SYNPR: variants seen among roughly 807,000 people sequenced by gnomAD.
SYNPR encodes synaptoporin.
A neutral mutation model predicts 32.9 loss-of-function variants in SYNPR; 23 were observed. The ratio of observed to expected loss-of-function variants is 0.70; its 90% CI spans 0.50 to 0.99. The LOEUF (loss-of-function observed/expected upper bound fraction) is 0.99. Ranked by LOEUF, SYNPR falls within the 50% of genes least tolerant of loss-of-function variation. The pLI, the probability that SYNPR is intolerant of heterozygous loss-of-function variation, is 0.00. For missense variants in SYNPR, 318 were observed against 349.3 expected (o/e 0.91, Z 0.71); for synonymous variants, 146 against 135.9 (o/e 1.07, Z -0.52).
At chr3:63,204,277 T>G in the SYNPR span, among the ~76,000 whole-genome samples, 1 of 152,190 alleles carries the variant, frequency 6.6e-6, no homozygotes, top group Admixed American at 6.5e-5. Context: ...CTCCGAAGAC[T>G]CTAGGGTTGG....
intron 2 of SYNPR, among the ~76,000 whole-genome samples, chr3:63,260,897 T>C (rs552021496): frequency 1.4e-5 from 2 of 148,046 alleles, no homozygotes; most frequent in Admixed American, 6.7e-5. Flanking sequence ...CCATCAAAAG[T>C]AGGTGAAAGA....
chr3:63,325,455 G>A (rs190768051), intron 2 of SYNPR, among the ~76,000 whole-genome samples: 4 of 152,232 alleles, frequency 2.6e-5, no homozygotes, highest in Admixed American at 1.3e-4. Context: ...GGTACAAAAT[G>A]TAATCATATT....
intron 2 of SYNPR, among the ~76,000 whole-genome samples, chr3:63,433,099 G>A (rs145998602): frequency 1.3e-5 from 2 of 152,270 alleles, no homozygotes; most frequent in East Asian, 1.9e-4. Flanking sequence ...ACAGAGTATT[G>A]CGTGTTATAA....
At chr3:63,313,752 T>C (rs1375649214) in intron 2 of SYNPR, among the ~76,000 whole-genome samples, 1 of 36,350 alleles carries the variant, frequency 2.8e-5, no homozygotes, top group East Asian at 5.7e-4. Flanking sequence ...TATCCATATA[T>C]ATATCCATAT....
chr3:63,261,401 T>C (rs1050469463), intron 2 of SYNPR, among the ~76,000 whole-genome samples: 1 of 151,472 alleles, frequency 6.6e-6, no homozygotes, highest in Non-Finnish European at 1.5e-5. Flanking sequence ...AAATGATGAG[T>C]TCATGTCCTT....
At chr3:63,492,542 G>C (rs1291839199) in intron 3 of SYNPR, among the ~76,000 whole-genome samples, 1 of 152,174 alleles carries the variant, frequency 6.6e-6, no homozygotes, top group Non-Finnish European at 1.5e-5. Flanking sequence ...ATTTAGGTAA[G>C]ATCTGAACAG....
intron 2 of SYNPR, among the ~76,000 whole-genome samples, chr3:63,416,913 A>G (rs985341373): frequency 3.9e-5 from 6 of 152,192 alleles, no homozygotes; most frequent in African/African-American, 1.4e-4. Context: ...GATGAGATTT[A>G]GGTGGGGACA....
At chr3:63,383,511 G>A (rs1468178290) in intron 2 of SYNPR, among the ~76,000 whole-genome samples, 2 of 152,148 alleles carry the variant, frequency 1.3e-5, no homozygotes, top group Non-Finnish European at 2.9e-5. Flanking sequence ...GAGCTCAGGA[G>A]TTCAAGACCA....
In SYNPR at chr3:63,452,032, A is replaced by G. The variant is rs1369273909; in HGVS notation, c.85-28800A>G. On this transcript the variant is annotated intron_variant, in intron 2 of 5. Coordinates refer to ENST00000478300, the MANE Select transcript of SYNPR (RefSeq NM_001130003.2). Reference sequence around the variant, plus strand: ...TCCTCCCCCAGACCAGTTCCCTGATATAATTTTTTTCTCTTTCTCCCACTG... The same window carrying G: ...TCCTCCCCCAGACCAGTTCCCTGATGTAATTTTTTTCTCTTTCTCCCACTG... 1.9e-5 allele frequency: 13 copies of G among 700,156 alleles called. No homozygotes were observed. In the East Asian group the frequency reaches 3.5e-4, roughly 19 times the overall value. 43.4% of individuals were successfully genotyped at this position (700,156 alleles called of 1,614,324 possible).
At chr3:63,571,818 G>A (rs1702892563) in intron 4 of SYNPR, among the ~76,000 whole-genome samples, 1 of 152,098 alleles carries the variant, frequency 6.6e-6, no homozygotes, top group Non-Finnish European at 1.5e-5. Context: ...TTGTCTGGCT[G>A]GACAAAGGTG....
chr3:63,574,098 G>T (rs917358828), intron 4 of SYNPR, among the ~76,000 whole-genome samples: 8 of 152,220 alleles, frequency 5.3e-5, no homozygotes, highest in African/African-American at 1.9e-4. Context: ...TTGCCAAAAT[G>T]CTTGACAGTC....
At chr3:63,231,132 G>A (rs888442839) in intron 1 of SYNPR, among the ~76,000 whole-genome samples, 1 of 152,146 alleles carries the variant, frequency 6.6e-6, no homozygotes, top group Non-Finnish European at 1.5e-5. Context: ...TAAAGGAAAT[G>A]TGGTATATGT....
At chr3:63,614,487 A>C (rs1434963651) in intron 5 of SYNPR, among the ~76,000 whole-genome samples, 1 of 152,228 alleles carries the variant, frequency 6.6e-6, no homozygotes, top group Non-Finnish European at 1.5e-5. Flanking sequence ...CCAGTTCTTA[A>C]GAAAATATTT....
chr3:63,615,600 C>G lies in SYNPR; in HGVS notation c.*119C>G. 1 of 1,342,454 alleles carries G rather than the reference C, an allele frequency of 7.4e-7. No individual in the cohort carries two copies. Among genetic ancestry groups the G allele is most frequent in the Non-Finnish European group, 1.0e-6 (1 of 999,252 alleles). 83.2% of individuals were successfully genotyped at this position (1,342,454 alleles called of 1,614,324 possible). ...AGAGAGTATTGAATGTAAATCAGAG[C>G]TCTCTAGTCTTCATTAAGGCAGCAA... On this transcript the variant is annotated 3_prime_UTR_variant, in exon 6 of 6. Coordinates refer to ENST00000478300, the MANE Select transcript of SYNPR (RefSeq NM_001130003.2).
At chr3:63,229,939 C>A (rs866915919) in intron 1 of SYNPR, among the ~76,000 whole-genome samples, 3 of 152,130 alleles carry the variant, frequency 2.0e-5, no homozygotes, top group Admixed American at 6.6e-5. Flanking sequence ...CATTAATTTA[C>A]AACTATTAAA....
intron 3 of SYNPR, among the ~76,000 whole-genome samples, chr3:63,481,547 C>T (rs189913284): frequency 1.4e-3 from 207 of 151,796 alleles, no homozygotes; most frequent in Middle Eastern, 6.8e-3. Flanking sequence ...ATCATAGAGA[C>T]GTAGCATTGA....
At chr3:63,417,999 G>A (rs1008841373) in intron 2 of SYNPR, among the ~76,000 whole-genome samples, 2 of 152,168 alleles carry the variant, frequency 1.3e-5, no homozygotes, top group Non-Finnish European at 2.9e-5. Flanking sequence ...AATTTCTGCA[G>A]CTGGCTTGAA....
chr3:63,539,053 A>G (rs541184650), intron 3 of SYNPR, among the ~76,000 whole-genome samples: 7 of 152,252 alleles, frequency 4.6e-5, no homozygotes, highest in African/African-American at 1.7e-4. Context: ...TCATTTGCTT[A>G]GTTTCAAGGA....
intron 4 of SYNPR, among the ~76,000 whole-genome samples, 165 bp downstream of exon 4, chr3:63,556,906 G>T (rs1702604896): frequency 6.6e-6 from 1 of 152,104 alleles, no homozygotes; most frequent in African/African-American, 2.4e-5. Context: ...ACTGATGTCT[G>T]TCAATCTCTT....
Sources: gnomAD v4.1 joint callset for allele counts (sites outside exome capture counted in the v4.1 genomes callset) on GRCh38, gnomAD v4.1.1 for gene constraint, MANE v1.5 for transcripts, NCBI Gene and HGNC (gene_info 2026-07-23, HGNC 2026-07-21) for gene names.